The following KCNIP4 variants were observed in gnomAD, a reference collection of about 807,000 sequenced individuals.
KCNIP4 encodes potassium voltage-gated channel interacting protein 4.
In KCNIP4, 12 loss-of-function variants were observed where a neutral mutation model predicts 34.0. That is an observed-to-expected ratio of 0.35 (90% CI 0.23 to 0.57). KCNIP4 has a LOEUF of 0.57. Among genes scored for constraint, KCNIP4 ranks in the 20% least tolerant of loss-of-function variants. KCNIP4 has a pLI of 0.83. For missense variants in KCNIP4, 238 were observed against 311.7 expected, an observed-to-expected ratio of 0.76 and a Z score of 1.78; for synonymous variants, 124 against 102.2, an observed-to-expected ratio of 1.21 and a Z score of -1.29.
At chr4:21,236,978 C>G (rs958131020) in intron 1 of KCNIP4, among the ~76,000 whole-genome samples, 1 of 151,306 alleles carries the variant, frequency 6.6e-6, no homozygotes, top group Non-Finnish European at 1.5e-5. Flanking sequence ...TGCACTCCAG[C>G]CTGGGTGACA....
At chr4:21,213,357 A>C (rs2108983000) in intron 1 of KCNIP4, among the ~76,000 whole-genome samples, 1 of 152,042 alleles carries the variant, frequency 6.6e-6, no homozygotes, top group East Asian at 1.9e-4. Context: ...CCTGGAGTGC[A>C]GTGGTGTGAT....
At chr4:21,700,559 GT>G (rs540832640) in intron 1 of KCNIP4, among the ~76,000 whole-genome samples, 50 of 145,432 alleles carry the variant, frequency 3.4e-4, no homozygotes, top group African/African-American at 1.3e-3. Flanking sequence ...TGTTTTTGTT[GT>G]TTTTTTTTGT....
In KCNIP4 at chr4:21,760,430, T is replaced by C. The variant is rs186275997; in HGVS notation, c.61+188141A>G. On this transcript the variant is annotated intron_variant, in intron 1 of 8. Transcript: ENST00000382152. ...GAAAAACTTGGCTTAAATTCAACCT[T>C]CAATTAGATACATGTTCATGTTTTT... Among the ~76,000 whole-genome samples, 49 of 101,390 alleles carry C rather than the reference T, an allele frequency of 4.8e-4. No homozygotes were observed. In the East Asian group the frequency reaches 9.1e-3, roughly 19 times the overall value. 66.5% of individuals were successfully genotyped at this position (101,390 alleles called of 152,430 possible).
chr4:21,615,258 GGGCCGGGCGCGGT>G (rs1384701831), intron 1 of KCNIP4, among the ~76,000 whole-genome samples: 1 of 151,932 alleles, frequency 6.6e-6, no homozygotes, highest in African/African-American at 2.4e-5. Context: ...ACATCATATA[GGGCCGGGCGCGGT>G]GGCTCACGCC....
At chr4:21,244,234 T>C (rs1232751695) in intron 1 of KCNIP4, among the ~76,000 whole-genome samples, 1 of 152,194 alleles carries the variant, frequency 6.6e-6, no homozygotes, top group Non-Finnish European at 1.5e-5. Context: ...ATTGGGATAG[T>C]CATCACCCCA....
intron 1 of KCNIP4, among the ~76,000 whole-genome samples, chr4:20,937,524 G>T (rs1412980209): frequency 6.7e-6 from 1 of 148,168 alleles, no homozygotes; most frequent in African/African-American, 2.5e-5. Flanking sequence ...GTGAGCCACC[G>T]TGCCTGGCCC....
intron 1 of KCNIP4, among the ~76,000 whole-genome samples, chr4:21,713,094 A>C (rs1002593131): frequency 7.2e-5 from 11 of 152,200 alleles, no homozygotes; most frequent in Non-Finnish European, 1.6e-4. Context: ...AAGCCATTTA[A>C]AATGCCTAGG....
intron 1 of KCNIP4, among the ~76,000 whole-genome samples, chr4:21,122,502 A>T (rs916955551): frequency 2.0e-5 from 3 of 150,790 alleles, no homozygotes; most frequent in Non-Finnish European, 4.4e-5. Flanking sequence ...TTGAAAATCA[A>T]TATTTTCCCC....
chr4:21,088,320 G>A (rs1274596678), intron 1 of KCNIP4, among the ~76,000 whole-genome samples: 1 of 151,930 alleles, frequency 6.6e-6, no homozygotes. Flanking sequence ...TTCCAATCTG[G>A]CTCCTGGCTC....
intron 3 of KCNIP4, among the ~76,000 whole-genome samples, chr4:20,807,486 TTTAA>T (rs1325492381): frequency 6.6e-6 from 1 of 151,296 alleles, no homozygotes; most frequent in African/African-American, 2.4e-5. Context: ...TTTTTACAAT[TTTAA>T]TTGTTAAAAA....
chr4:21,697,633 C>T, intron 1 of KCNIP4: 1 of 1,324,220 alleles, frequency 7.6e-7, no homozygotes, highest in Non-Finnish European at 9.5e-7. Flanking sequence ...CCAGATACAG[C>T]TACAACAGTA....
chr4:20,905,522 T>TTTTTTTTTTTTTTTTTTTTG lies in KCNIP4; in HGVS notation c.62-22814_62-22813insCAAAAAAAAAAAAAAAAAAA, dbSNP rs768668990. On this transcript the variant is annotated intron_variant, in intron 1 of 8. Coordinates refer to ENST00000382152, the MANE Select transcript of KCNIP4 (RefSeq NM_025221.6). ...AACGTTTTCTTTCTTTTTTTTTTTT[T>TTTTTTTTTTTTTTTTTTTTG]TTTGTTTGAGATGGAGTCTTGCTCT... Among the ~76,000 whole-genome samples the TTTTTTTTTTTTTTTTTTTTG allele has an allele frequency of 3.1e-3, 342 of 111,208 alleles. 1 individual carries two copies. Among genetic ancestry groups the TTTTTTTTTTTTTTTTTTTTG allele is most frequent in the East Asian group, 6.5e-3 (21 of 3,246 alleles). 73.0% of individuals were successfully genotyped at this position (111,208 alleles called of 152,430 possible).
At chr4:21,241,592 C>A (rs924018571) in intron 1 of KCNIP4, among the ~76,000 whole-genome samples, 2 of 152,128 alleles carry the variant, frequency 1.3e-5, no homozygotes, top group Non-Finnish European at 2.9e-5. Flanking sequence ...ACAAATGACA[C>A]TAATGAATCA....
At chr4:21,138,184 T>C (rs1751661851) in intron 1 of KCNIP4, among the ~76,000 whole-genome samples, 1 of 152,200 alleles carries the variant, frequency 6.6e-6, no homozygotes, top group Admixed American at 6.5e-5. Context: ...TTGCTGGTGT[T>C]GTTTCTGCCA....
intron 1 of KCNIP4, among the ~76,000 whole-genome samples, chr4:20,944,166 A>G (rs192406595): frequency 6.6e-6 from 1 of 152,326 alleles, no homozygotes; most frequent in African/African-American, 2.4e-5. Context: ...GACCATAGAT[A>G]GCCCTCAACT....
intron 1 of KCNIP4, among the ~76,000 whole-genome samples, chr4:21,579,641 C>G (rs184456066): frequency 4.8e-4 from 73 of 152,106 alleles, no homozygotes; most frequent in Non-Finnish European, 6.5e-4. Context: ...AAACACCTTG[C>G]TTTTTATTGC....
chr4:21,011,815 A>G (rs144105631), intron 1 of KCNIP4, among the ~76,000 whole-genome samples: 39 of 152,290 alleles, frequency 2.6e-4, no homozygotes, highest in African/African-American at 6.3e-4. Flanking sequence ...CTCTTACACT[A>G]TCCCCAGGTT....
At chr4:21,391,318 C>A (rs1401806774) in intron 1 of KCNIP4, among the ~76,000 whole-genome samples, 1 of 151,178 alleles carries the variant, frequency 6.6e-6, no homozygotes, top group African/African-American at 2.5e-5. Flanking sequence ...CACTCAAGAT[C>A]AGCATAAAAA....
chr4:21,320,782 C>T (rs1484010774), intron 1 of KCNIP4, among the ~76,000 whole-genome samples: 1 of 151,890 alleles, frequency 6.6e-6, no homozygotes, highest in African/African-American at 2.4e-5. Context: ...ACCAGCCTGG[C>T]CAACATGGCG....
Sources: allele counts gnomAD v4.1 joint callset (sites outside exome capture counted in the v4.1 genomes callset), GRCh38; gene constraint gnomAD v4.1.1; transcripts MANE v1.5; gene names NCBI Gene and HGNC (gene_info 2026-07-23, HGNC 2026-07-21).